TRHDE: variants seen among roughly 807,000 people sequenced by gnomAD.
TRHDE encodes thyrotropin releasing hormone degrading enzyme.
A neutral mutation model predicts 125.7 loss-of-function variants in TRHDE; 72 were observed. The observed-to-expected ratio is 0.57, with a 90% CI of 0.47 to 0.70. The LOEUF is 0.70. Ranked by LOEUF, TRHDE falls within the 30% of genes least tolerant of loss-of-function variation. TRHDE has a pLI of 0.00. For missense variants in TRHDE, 1,110 were observed against 1,327.1 expected, an observed-to-expected ratio of 0.84 and a Z score of 2.54; for synonymous variants, 509 against 509.1, an observed-to-expected ratio of 1.00 and a Z score of 0.00.
intron 2 of TRHDE, among the ~76,000 whole-genome samples, chr12:72,371,804 G>A (rs1383270330): frequency 6.6e-6 from 1 of 152,076 alleles, no homozygotes; most frequent in Non-Finnish European, 1.5e-5. Flanking sequence ...TTGGACATTT[G>A]GGTTGGTTCC....
chr12:72,563,631 A>G (rs1305860791), intron 9 of TRHDE, among the ~76,000 whole-genome samples: 1 of 152,216 alleles, frequency 6.6e-6, no homozygotes, highest in African/African-American at 2.4e-5. Context: ...GCTGAAACTC[A>G]TTTAATTACT....
chr12:72,606,785 T>G (rs1274370464), intron 12 of TRHDE, among the ~76,000 whole-genome samples: 1 of 152,156 alleles, frequency 6.6e-6, no homozygotes, highest in African/African-American at 2.4e-5. Flanking sequence ...GCATCAACAA[T>G]TGTTTACTCA....
chr12:72,458,903 G>T (rs1325122183), intron 3 of TRHDE, among the ~76,000 whole-genome samples: 1 of 152,034 alleles, frequency 6.6e-6, no homozygotes. Context: ...AATTATAAAG[G>T]TAATGATGAT....
intron 5 of TRHDE, among the ~76,000 whole-genome samples, chr12:72,496,394 C>T (rs1318645523): frequency 6.6e-6 from 1 of 152,118 alleles, no homozygotes. Flanking sequence ...ACAAACATGG[C>T]GGAAGGCGAA....
intron 2 of TRHDE, among the ~76,000 whole-genome samples, chr12:72,208,092 C>T (rs929531560): frequency 6.6e-6 from 1 of 152,154 alleles, no homozygotes; most frequent in African/African-American, 2.4e-5. Context: ...CGTTAAGTCT[C>T]ATGGAGTTCC....
chr12:72,171,229 A>G (rs1876866555), intron 2 of TRHDE, among the ~76,000 whole-genome samples: 1 of 151,764 alleles, frequency 6.6e-6, no homozygotes, highest in Non-Finnish European at 1.5e-5. Flanking sequence ...CTTTAGAAAA[A>G]GAGGCCTTAT....
chr12:72,164,759 C>T (rs562824296), intron 2 of TRHDE, among the ~76,000 whole-genome samples: 1 of 152,304 alleles, frequency 6.6e-6, no homozygotes, highest in Non-Finnish European at 1.5e-5. Flanking sequence ...CACTGACCTC[C>T]ACCTGGCAAC....
In TRHDE at chr12:72,568,641, G is replaced by C. The variant is rs775193758; in HGVS notation, c.2116G>C (p.Val706Leu). Residue 706 changes from valine (V) to leucine (L), a missense_variant, in exon 10 of 19, where the codon GTG becomes CTG. By Grantham distance (32) the Val-to-Leu change is conservative. Around this residue, in one of 5 missense-constraint regions of TRHDE, gnomAD observed 527 missense variants for 651.8 expected, o/e 0.81. Coordinates refer to ENST00000261180, the MANE Select transcript of TRHDE (RefSeq NM_013381.3). ...TGTGTCTTCAGAAGCAATTATTTGG[G>C]TGTCTAACAAATCAGGTAAACTATA... is the stretch of plus-strand genomic sequence containing the variant. ...SHVSSEAIIW[V>L]SNKSEHHRIT... The C allele has an allele frequency of 1.2e-6, 2 of 1,609,530 alleles. No individual in the cohort carries two copies. The highest frequency in any genetic ancestry group is 2.2e-5 in the South Asian group (2 of 90,686).
intron 3 of TRHDE, among the ~76,000 whole-genome samples, chr12:72,414,382 T>G (rs1873642269): frequency 6.6e-6 from 1 of 152,100 alleles, no homozygotes; most frequent in Non-Finnish European, 1.5e-5. Flanking sequence ...ACTAACCCAA[T>G]ATTAGCTATT....
At chr12:72,145,483 T>C (rs1049169470) in intron 2 of TRHDE, among the ~76,000 whole-genome samples, 2 of 152,190 alleles carry the variant, frequency 1.3e-5, no homozygotes, top group African/African-American at 4.8e-5. Context: ...TGTAGCTTGG[T>C]TTTAATATAC....
At chr12:72,607,524 A>AAGTC (rs1555201638) in intron 12 of TRHDE, among the ~76,000 whole-genome samples, 1 of 152,008 alleles carries the variant, frequency 6.6e-6, no homozygotes, top group Admixed American at 6.6e-5. Flanking sequence ...TTTTTTTAAA[A>AAGTC]AGTCAGAATA....
At chr12:72,554,232 C>T (rs1869816529) in intron 7 of TRHDE, among the ~76,000 whole-genome samples, 1 of 152,050 alleles carries the variant, frequency 6.6e-6, no homozygotes, top group African/African-American at 2.4e-5. Context: ...TGACACCAGC[C>T]CTTTTTTTCC....
intron 12 of TRHDE, among the ~76,000 whole-genome samples, chr12:72,583,710 A>G (rs1244567358): frequency 6.6e-6 from 1 of 152,202 alleles, no homozygotes; most frequent in Non-Finnish European, 1.5e-5. Flanking sequence ...TTTTCAAGCT[A>G]CACTGTTTCT....
rs2135836309 is a variant in TRHDE at position 72,427,814 on chromosome 12, G to C, written c.1316-41944G>C. Reference sequence around the variant, plus strand: ...ACAGGCTGGATGGCCATATGTTCAAGATGCTGTGAAGGTAATTCTTTTATT... The same window carrying C: ...ACAGGCTGGATGGCCATATGTTCAACATGCTGTGAAGGTAATTCTTTTATT... On this transcript the variant is annotated intron_variant, in intron 3 of 18. Transcript: ENST00000261180. Among the ~76,000 whole-genome samples, 5 of 152,284 alleles carry C rather than the reference G, an allele frequency of 3.3e-5. No individual in the cohort carries two copies. The Middle Eastern group carries it at 0.014, about 414-fold the overall frequency.
At chr12:72,403,445 C>CT (rs1873131663) in intron 3 of TRHDE, among the ~76,000 whole-genome samples, 1 of 152,154 alleles carries the variant, frequency 6.6e-6, no homozygotes, top group Non-Finnish European at 1.5e-5. Flanking sequence ...TTTTACATAT[C>CT]TTTTTTTATT....
At chr12:72,240,698 T>C (rs567903233) in intron 2 of TRHDE, among the ~76,000 whole-genome samples, 1 of 152,006 alleles carries the variant, frequency 6.6e-6, no homozygotes, top group African/African-American at 2.4e-5. Flanking sequence ...GCCTCCCAAG[T>C]AGCTGGGACT....
intron 3 of TRHDE, among the ~76,000 whole-genome samples, chr12:72,466,600 T>C (rs937184709): frequency 5.3e-5 from 8 of 152,232 alleles, no homozygotes; most frequent in Admixed American, 4.6e-4. Context: ...TTACAATTCA[T>C]ACCAGTTCTC....
chr12:72,448,791 T>C (rs1425888102), intron 3 of TRHDE, among the ~76,000 whole-genome samples: 2 of 151,802 alleles, frequency 1.3e-5, no homozygotes, highest in East Asian at 3.9e-4. Flanking sequence ...TTATCACTAG[T>C]CATTTTGTTT....
chr12:72,479,170 G>A (rs1308320501), intron 5 of TRHDE, among the ~76,000 whole-genome samples: 1 of 152,076 alleles, frequency 6.6e-6, no homozygotes, highest in Admixed American at 6.6e-5. Context: ...GTTAATTGTT[G>A]AAGTATATTA....
Sources: allele counts gnomAD v4.1 joint callset (sites outside exome capture counted in the v4.1 genomes callset), GRCh38; gene constraint gnomAD v4.1.1; regional missense constraint gnomAD v4.1.1; transcripts MANE v1.5; gene names NCBI Gene and HGNC (gene_info 2026-07-23, HGNC 2026-07-21).